The following PHLDB2 variants were observed in gnomAD, a reference collection of about 807,000 sequenced individuals.
The protein encoded by PHLDB2 is pleckstrin homology like domain family B member 2.
A neutral mutation model predicts 123.6 loss-of-function variants in PHLDB2; 71 were observed. The ratio of observed to expected loss-of-function variants is 0.57; its 90% CI spans 0.47 to 0.70. The LOEUF is 0.70. Ranked by LOEUF, PHLDB2 falls within the 30% of genes least tolerant of loss-of-function variation. The probability of loss-of-function intolerance (pLI) is 0.00; values close to 1 mark genes in which losing one functional copy is unlikely to be tolerated. For synonymous variants in PHLDB2, 547 were observed against 541.6 expected, an observed-to-expected ratio of 1.01 and a Z score of -0.14; for missense variants, 1,446 against 1,519.5, an observed-to-expected ratio of 0.95 and a Z score of 0.80.
intron 1 of PHLDB2, among the ~76,000 whole-genome samples, chr3:111,756,076 ATG>A (rs1173623095): frequency 6.6e-6 from 1 of 152,058 alleles, no homozygotes; most frequent in Non-Finnish European, 1.5e-5. Context: ...ACTTCCAACT[ATG>A]TGGTCAATTT....
intron 1 of PHLDB2, among the ~76,000 whole-genome samples, chr3:111,834,225 T>TGTA (rs1576810418): frequency 3.1e-5 from 3 of 97,190 alleles, no homozygotes; most frequent in South Asian, 7.0e-4. Flanking sequence ...GAATTATATA[T>TGTA]ATATTATGTA....
intron 1 of PHLDB2, among the ~76,000 whole-genome samples, chr3:111,756,629 G>C (rs1263364737): frequency 6.6e-6 from 1 of 152,026 alleles, no homozygotes; most frequent in African/African-American, 2.4e-5. Flanking sequence ...CTTTTAATTG[G>C]AGCATTTAGT....
At chr3:111,866,717 C>G (rs967012) in intron 1 of PHLDB2, among the ~76,000 whole-genome samples, 167 of 152,228 alleles carry the variant, frequency 1.1e-3, no homozygotes, top group African/African-American at 3.9e-3. Context: ...ATCAAAAGAT[C>G]AGAGGGTGCT....
chr3:111,970,835 C>T (rs920151331), intron 16 of PHLDB2, among the ~76,000 whole-genome samples: 4 of 151,990 alleles, frequency 2.6e-5, no homozygotes, highest in African/African-American at 9.7e-5. Flanking sequence ...TAAAATGTAT[C>T]GATGCAATAA....
intron 2 of PHLDB2, among the ~76,000 whole-genome samples, chr3:111,913,067 G>A (rs1368090850): frequency 6.6e-6 from 1 of 152,220 alleles, no homozygotes; most frequent in African/African-American, 2.4e-5. Flanking sequence ...CCAGCCCTGT[G>A]ATATACCAAT....
intron 1 of PHLDB2, among the ~76,000 whole-genome samples, chr3:111,834,204 TATATGTAATAGA>T (rs1323521364): frequency 3.3e-4 from 16 of 47,984 alleles, no homozygotes; most frequent in South Asian, 1.4e-3. Flanking sequence ...AATAGAATTA[TATATGTAATAGA>T]ATTATATATA....
intron 2 of PHLDB2, among the ~76,000 whole-genome samples, chr3:111,895,039 T>A (rs1364432800): frequency 2.4e-5 from 3 of 126,338 alleles, no homozygotes; most frequent in African/African-American, 8.7e-5. Context: ...CCAATTGTCC[T>A]CCATTAACTG....
intron 8 of PHLDB2, among the ~76,000 whole-genome samples, chr3:111,944,730 C>T (rs199949494): frequency 6.6e-6 from 1 of 152,022 alleles, no homozygotes; most frequent in Non-Finnish European, 1.5e-5. Context: ...TCCCAGGCTG[C>T]AGTGCAGTGG....
chr3:111,918,304 G>A (rs564938708), intron 3 of PHLDB2, among the ~76,000 whole-genome samples: 2 of 152,198 alleles, frequency 1.3e-5, no homozygotes, highest in East Asian at 3.9e-4. Context: ...ATTTCTTGCC[G>A]ATGAACCAGT....
intron 2 of PHLDB2, among the ~76,000 whole-genome samples, chr3:111,850,831 A>G (rs1299438153): frequency 6.6e-6 from 1 of 152,210 alleles, no homozygotes; most frequent in Non-Finnish European, 1.5e-5. Flanking sequence ...CTCAGAAATA[A>G]ATGCTTCAAA....
intron 6 of PHLDB2, among the ~76,000 whole-genome samples, chr3:111,935,388 C>G (rs1399292296): frequency 6.6e-6 from 1 of 152,026 alleles, no homozygotes; most frequent in Non-Finnish European, 1.5e-5. Flanking sequence ...ATCCATTAGT[C>G]TTGGACAAGT....
chr3:111,939,392 A>G, intron 6 of PHLDB2, 83 bp from the exon 7 acceptor site: 2 of 1,401,130 alleles, frequency 1.4e-6, no homozygotes, highest in East Asian at 2.3e-5. Flanking sequence ...TCTTGGACCA[A>G]CTGCTTTTAA....
chr3:111,885,299 G>A lies in PHLDB2; in HGVS notation c.1222G>A (p.Ala408Thr). ...ACAGGCCTCAGGAACCCCCCAGCCT[G>A]CCCTTCGGGAACGGAAAAGCAGTAT... is the stretch of plus-strand genomic sequence containing the variant. ...LRQASGTPQP[A>T]LRERKSSISS... The change falls in exon 2 of 18, where the codon GCC becomes ACC. Residue 408 changes from alanine (A) to threonine (T), a missense_variant. This residue lies in a region of PHLDB2 where 832 missense variants were observed against 831.9 expected (regional missense o/e 1.00). Transcript: ENST00000431670. The A allele has an allele frequency of 1.2e-6, 2 of 1,614,184 alleles. No homozygotes were observed. The highest frequency in any genetic ancestry group is 1.7e-6 in the Non-Finnish European group (2 of 1,180,034).
upstream of PHLDB2, among the ~76,000 whole-genome samples, chr3:111,856,887 A>G (rs2064534843): frequency 6.6e-6 from 1 of 152,252 alleles, no homozygotes; most frequent in African/African-American, 2.4e-5. Flanking sequence ...TTTACAATAT[A>G]GTAGAATGTG....
intron 2 of PHLDB2, among the ~76,000 whole-genome samples, chr3:111,892,707 G>A (rs2107380805): frequency 6.6e-6 from 1 of 152,172 alleles, no homozygotes; most frequent in South Asian, 2.1e-4. Flanking sequence ...AGATTTTCTA[G>A]CATTCTTTGT....
At chr3:111,941,843 A>T (rs1424419754) in intron 8 of PHLDB2, among the ~76,000 whole-genome samples, 1 of 152,126 alleles carries the variant, frequency 6.6e-6, no homozygotes, top group Admixed American at 6.6e-5. Context: ...ACAAAAGGAG[A>T]AGAGAGAGGA....
chr3:111,902,614 A>G (rs2107453693), intron 2 of PHLDB2, among the ~76,000 whole-genome samples: 2 of 152,312 alleles, frequency 1.3e-5, no homozygotes, highest in South Asian at 4.1e-4. Flanking sequence ...ATGTTGACAC[A>G]GGCAAGTAAC....
intron 1 of PHLDB2, among the ~76,000 whole-genome samples, chr3:111,831,407 G>A (rs1472159782): frequency 6.6e-6 from 1 of 151,894 alleles, no homozygotes; most frequent in Admixed American, 6.6e-5. Context: ...GTAATGAAGA[G>A]AAAGTGGGTC....
intron 1 of PHLDB2, among the ~76,000 whole-genome samples, chr3:111,806,806 CT>C (rs954893886): frequency 2.1e-4 from 31 of 149,708 alleles, no homozygotes; most frequent in Admixed American, 1.4e-3. Context: ...TTTTTAATAA[CT>C]TTTTTTTTGA....
Sources: allele counts gnomAD v4.1 joint callset (sites outside exome capture counted in the v4.1 genomes callset), GRCh38; gene constraint gnomAD v4.1.1; regional missense constraint gnomAD v4.1.1; transcripts MANE v1.5; gene names NCBI Gene and HGNC (gene_info 2026-07-23, HGNC 2026-07-21).